The following BAMBI variants were observed in gnomAD, a reference collection of about 807,000 sequenced individuals.
The protein encoded by BAMBI is BMP and activin membrane-bound inhibitor homolog.
A neutral mutation model predicts 24.1 loss-of-function variants in BAMBI; 21 were observed. The observed-to-expected ratio is 0.87, with a 90% CI of 0.62 to 1.26. The LOEUF (loss-of-function observed/expected upper bound fraction) is 1.26, where lower values mean the gene tolerates loss of function less well. BAMBI is among the 50% of genes most tolerant of loss of function. The pLI is 0.00. For synonymous variants in BAMBI, 156 were observed against 123.1 expected (o/e 1.27, Z -1.77); for missense variants, 388 against 329.1 (o/e 1.18, Z -1.38).
In BAMBI at chr10:28,681,686, G is replaced by A. The variant is rs1834499295; in HGVS notation, c.364+141G>A. 5.3e-6 allele frequency: 5 copies of A among 940,268 alleles called. 1 individual carries two copies. The highest frequency in any genetic ancestry group is 4.6e-4 in the Middle Eastern group (2 of 4,386). 58.2% of individuals were successfully genotyped at this position (940,268 alleles called of 1,614,324 possible). ...GAGAAGCCTGGCTGGATGCAAAGAT[G>A]CATCTTGATTGAGTGGCTTTTATGT... is the stretch of plus-strand genomic sequence containing the variant. On this transcript the variant is annotated intron_variant, in intron 2 of 2. Transcript: ENST00000375533.
intron 1 of BAMBI, among the ~76,000 whole-genome samples, chr10:28,679,581 T>C (rs1834476021): frequency 6.6e-6 from 1 of 152,220 alleles, no homozygotes. Context: ...CAAAATTTTA[T>C]TAGGCTGTTT....
In BAMBI at chr10:28,677,893, C is replaced by G. The variant is rs1329025419; in HGVS notation, c.-5C>G. The G allele has an allele frequency of 2.0e-6, 3 of 1,510,404 alleles. No individual in the cohort carries two copies. The highest frequency in any genetic ancestry group is 2.6e-6 in the Non-Finnish European group (3 of 1,135,646). The allele number at this position is 1,510,404 out of a possible 1,614,324, so 93.6% of individuals were successfully genotyped here. ...GCGGGGGCGCCGCGGCCGTGCGGGG[C>G]GTCAATGGATCGCCACTCCAGCTAC... On this transcript the variant is annotated 5_prime_UTR_variant, in exon 1 of 3. Transcript: ENST00000375533.
Position 28,682,316 on chromosome 10 carries a change from G to GA in BAMBI, c.699dup (p.Gln234ThrfsTer8), listed in dbSNP as rs763221755. 1.9e-6 allele frequency: 3 copies of GA among 1,613,912 alleles called. No homozygotes were observed. The highest frequency in any genetic ancestry group is 2.5e-6 in the Non-Finnish European group (3 of 1,180,016). Reference sequence around the variant, plus strand: ...TGCTGTCTGACCTGTGATAAAATGAGACAAGCAGACCTCAGCAACGATAAG... The same window carrying GA: ...TGCTGTCTGACCTGTGATAAAATGAGAACAAGCAGACCTCAGCAACGATAAG... On this transcript the variant is annotated frameshift_variant, in exon 3 of 3. Transcript: ENST00000375533. LOFTEE classifies it high-confidence loss of function.
intron 1 of BAMBI, among the ~76,000 whole-genome samples, chr10:28,678,180 G>A (rs1834457826): frequency 6.6e-6 from 1 of 152,202 alleles, no homozygotes; most frequent in Admixed American, 6.5e-5. Context: ...TGATCAGAGG[G>A]TCCTCCTGGC....
chr10:28,681,559 G>A lies in BAMBI; in HGVS notation c.364+14G>A, dbSNP rs1299401035. The A allele has an allele frequency of 2.5e-6, 4 of 1,609,868 alleles. No individual in the cohort carries two copies. Among genetic ancestry groups the A allele is most frequent in the Middle Eastern group, 3.3e-4 (2 of 6,050 alleles). ...GTGAGGCCTCAGGTAGGTGGAAGCC[G>A]TTTCTAACCAGAATGCCTGCCTGAT... On this transcript the variant is annotated intron_variant, in intron 2 of 2. Coordinates refer to ENST00000375533, the MANE Select transcript of BAMBI (RefSeq NM_012342.3).
At chr10:28,681,918 A>G (rs1404807384) in intron 2 of BAMBI, 65 bp from the exon 3 acceptor site, 1 of 1,391,718 alleles carries the variant, frequency 7.2e-7, no homozygotes, top group Admixed American at 2.2e-5. Flanking sequence ...AAATGAATTG[A>G]TGATTATGAA....
Position 28,677,750 on chromosome 10 carries a change from C to G in BAMBI, c.-148C>G, listed in dbSNP as rs1158768199. On this transcript the variant is annotated 5_prime_UTR_variant, in exon 1 of 3. Coordinates refer to ENST00000375533, the MANE Select transcript of BAMBI (RefSeq NM_012342.3). Reference sequence around the variant, plus strand: ...GCGCCCTGTAGCCGCGCTCCATGCTCCGGCAGCGGCCCGAAACCCAGCCCC... The same window carrying G: ...GCGCCCTGTAGCCGCGCTCCATGCTGCGGCAGCGGCCCGAAACCCAGCCCC... The G allele has an allele frequency of 1.3e-5, 5 of 382,444 alleles. No homozygotes were observed. In the East Asian group the frequency reaches 2.6e-4, roughly 20 times the overall value. The allele number at this position is 382,444 out of a possible 1,614,324, so 23.7% of individuals were successfully genotyped here.
chr10:28,681,991 A>AAC lies in BAMBI; in HGVS notation c.375_376dup (p.Arg126ThrfsTer18), dbSNP rs1564439556. ...TCTTTGTACTCCTTTAGGACAAGGA[A>AAC]ACAGGTATCAGCATGATGGTAGCAG... On this transcript the variant is annotated frameshift_variant, in exon 3 of 3. Transcript: ENST00000375533. LOFTEE classifies it high-confidence loss of function. 2 of 1,611,000 alleles carry AAC rather than the reference A, an allele frequency of 1.2e-6. No homozygotes were observed. Among genetic ancestry groups the AAC allele is most frequent in the Non-Finnish European group, 8.5e-7 (1 of 1,177,490 alleles).
chr10:28,678,114 G>GGA (rs1306449328), intron 1 of BAMBI, 141 bp downstream of exon 1: 1 of 713,450 alleles, frequency 1.4e-6, no homozygotes, highest in Admixed American at 3.5e-5. Flanking sequence ...TGTGTTCTTA[G>GGA]AAGTCGCGGC....
In BAMBI at chr10:28,682,092, C is replaced by T. The variant is rs1834504753; in HGVS notation, c.474C>T (p.Pro158=). Residue 158 remains proline (P), a synonymous_variant, in exon 3 of 3, where the codon CCC becomes CCT. Transcript: ENST00000375533. ...LWFRAAVIAV[P]IAGGLILVLL... ...TCCGGGCAGCGGTCATTGCCGTGCC[C>T]ATTGCTGGAGGGCTGATTTTAGTGT... 2 of 1,614,132 alleles carry T rather than the reference C, an allele frequency of 1.2e-6. No individual in the cohort carries two copies. Among genetic ancestry groups the T allele is most frequent in the East Asian group, 2.2e-5 (1 of 44,864 alleles).
intron 2 of BAMBI, chr10:28,681,772 C>G: frequency 1.4e-6 from 1 of 733,106 alleles, no homozygotes; most frequent in Non-Finnish European, 2.2e-6. Context: ...ATTTTGAAGA[C>G]ATTAAAAGGC....
intron 1 of BAMBI, among the ~76,000 whole-genome samples, chr10:28,680,957 T>C (rs1834490860): frequency 6.6e-6 from 1 of 152,194 alleles, no homozygotes; most frequent in Non-Finnish European, 1.5e-5. Context: ...GTGTTATACC[T>C]TATGGTAGGA....
chr10:28,678,086 C>G, intron 1 of BAMBI, 113 bp downstream of exon 1: 1 of 939,708 alleles, frequency 1.1e-6, no homozygotes, highest in Non-Finnish European at 1.5e-6. Context: ...GCCGGAGCCG[C>G]AGGTCGCGAC....
Position 28,682,077 on chromosome 10 carries a change from GGTCATT to G in BAMBI, c.461_466del (p.Val154_Ile155del), listed in dbSNP as rs1337624761. ...CCAAAGAGTTGTGGTTCCGGGCAGC[GGTCATT>G]GCCGTGCCCATTGCTGGAGGGCTGA... On this transcript the variant is annotated inframe_deletion, in exon 3 of 3. Coordinates refer to ENST00000375533, the MANE Select transcript of BAMBI (RefSeq NM_012342.3). 1.2e-6 allele frequency: 2 copies of G among 1,614,090 alleles called. No homozygotes were observed. The highest frequency in any genetic ancestry group is 2.2e-5 in the East Asian group (1 of 44,868).
At position 28,682,193 on chromosome 10, in the gene BAMBI, C is replaced by G; in HGVS notation, c.575C>G (p.Ser192Cys). The change falls in exon 3 of 3, where the codon TCC becomes TGC. Residue 192 changes from serine to cysteine, a missense_variant. Physicochemically the swap from Ser to Cys is moderately radical, Grantham distance 112. Transcript: ENST00000375533. ...RLQDQRQQMLSRLHYSFHGHH... is the reference protein window; with the variant it reads ...RLQDQRQQMLCRLHYSFHGHH... ...CAGGATCAGCGGCAACAGATGCTCT[C>G]CCGTTTGCACTACAGCTTTCACGGA... 1.9e-6 allele frequency: 3 copies of G among 1,614,124 alleles called. No homozygotes were observed. The highest frequency in any genetic ancestry group is 2.5e-6 in the Non-Finnish European group (3 of 1,179,986).
chr10:28,682,633 C>T lies in BAMBI; in HGVS notation c.*232C>T. 4.5e-6 allele frequency: 2 copies of T among 448,874 alleles called. No homozygotes were observed. Among genetic ancestry groups the T allele is most frequent in the Non-Finnish European group, 7.8e-6 (2 of 256,212 alleles). The allele number at this position is 448,874 out of a possible 1,614,324, so 27.8% of individuals were successfully genotyped here. A position where few individuals can be genotyped will look rare whatever the true frequency, so the allele number is the denominator to read the frequency against. On this transcript the variant is annotated 3_prime_UTR_variant, in exon 3 of 3. Coordinates refer to ENST00000375533, the MANE Select transcript of BAMBI (RefSeq NM_012342.3). ...TAAAAAGCAAAGAGAAGACTTTGTA[C>T]ACACTGTCACCAGGGTTATTTGCAT...
Position 28,682,161 on chromosome 10 carries a change from G to GAGGCTGC in BAMBI, c.547_553dup (p.Asp185AlafsTer48). 6.2e-7 allele frequency: 1 copy of GAGGCTGC among 1,614,142 alleles called. No individual in the cohort carries two copies. ...TGAGGATGCTTCGAAGTGAAAATAA[G>GAGGCTGC]AGGCTGCAGGATCAGCGGCAACAGA... On this transcript the variant is annotated frameshift_variant, in exon 3 of 3. Transcript: ENST00000375533. LOFTEE classifies it high-confidence loss of function.
intron 1 of BAMBI, among the ~76,000 whole-genome samples, chr10:28,679,770 C>T (rs752098097): frequency 6.6e-6 from 1 of 152,142 alleles, no homozygotes. Flanking sequence ...GTCATCACCC[C>T]AGAAGACTGG....
In BAMBI at chr10:28,681,396, C is replaced by CA. The variant is rs1564439342; in HGVS notation, c.215_216insA (p.Leu73SerfsTer29). 1.9e-6 allele frequency: 3 copies of CA among 1,614,188 alleles called. No individual in the cohort carries two copies. Among genetic ancestry groups the CA allele is most frequent in the Non-Finnish European group, 1.7e-6 (2 of 1,180,036 alleles). ...CCACTCACCCATGGCTGCCTGGACTCTCTTGCAAGCACGACAGACATCTGC... is the reference window on the plus strand; with the variant it reads ...CCACTCACCCATGGCTGCCTGGACTCATCTTGCAAGCACGACAGACATCTGC... On this transcript the variant is annotated frameshift_variant, in exon 2 of 3. Transcript: ENST00000375533. LOFTEE classifies it high-confidence loss of function.
Sources: allele counts gnomAD v4.1 joint callset (sites outside exome capture counted in the v4.1 genomes callset), GRCh38; gene constraint gnomAD v4.1.1; transcripts MANE v1.5; gene names NCBI Gene and HGNC (gene_info 2026-07-23, HGNC 2026-07-21).